Variants in LINC00237 observed in about 807,000 individuals in gnomAD.
The protein encoded by LINC00237 is long intergenic non-protein coding RNA 237.
At chr20:21,102,451 T>C (rs750674099) in intron 1 of LINC00237, among the ~76,000 whole-genome samples, 7 of 152,146 alleles carry the variant, frequency 4.6e-5, no homozygotes, top group Non-Finnish European at 8.8e-5. Context: ...AGTCTCAGAC[T>C]AACTCGCTCC....
At chr20:21,099,224 C>G (rs2030898009) in intron 1 of LINC00237, among the ~76,000 whole-genome samples, 1 of 152,188 alleles carries the variant, frequency 6.6e-6, no homozygotes. Context: ...GGACAGTGGT[C>G]AGGAGGAGGA....
intron 1 of LINC00237, among the ~76,000 whole-genome samples, chr20:21,099,922 C>T (rs6035782): frequency 6.6e-6 from 1 of 152,140 alleles, no homozygotes; most frequent in African/African-American, 2.4e-5. Context: ...GCAGCTGAAT[C>T]CCCTCTCTGG....
intron 1 of LINC00237, among the ~76,000 whole-genome samples, chr20:21,100,282 A>T (rs776837346): frequency 6.6e-6 from 1 of 152,200 alleles, no homozygotes; most frequent in Admixed American, 6.5e-5. Context: ...GTTTGACTGT[A>T]CACCTGCGGG....
At chr20:21,106,174 C>T (rs1229831159) in intron 1 of LINC00237, 1 of 152,398 alleles carries the variant, frequency 6.6e-6, no homozygotes, top group Non-Finnish European at 1.5e-5. Flanking sequence ...TCGGCTCAGA[C>T]CAGAGCTACC....
chr20:21,094,799 C>G (rs2030835540), intron 1 of LINC00237, among the ~76,000 whole-genome samples: 1 of 152,144 alleles, frequency 6.6e-6, no homozygotes, highest in African/African-American at 2.4e-5. Flanking sequence ...CCTGTATTCC[C>G]AGCACTTTGG....
intron 1 of LINC00237, among the ~76,000 whole-genome samples, chr20:21,103,404 C>G (rs556392283): frequency 6.6e-6 from 1 of 152,246 alleles, no homozygotes; most frequent in African/African-American, 2.4e-5. Context: ...CTGTCCCTAC[C>G]AATAGCCACG....
At position 21,093,978 on chromosome 20, in the gene LINC00237, C is replaced by G. The variant is rs552949762; in HGVS notation, n.89-126G>C. 2.6e-5 allele frequency: 4 copies of G among 152,294 alleles called. No homozygotes were observed. In the South Asian group the frequency reaches 8.3e-4, roughly 32 times the overall value. 9.4% of individuals were successfully genotyped at this position (152,294 alleles called of 1,614,324 possible). A position where few individuals can be genotyped will look rare whatever the true frequency, so the allele number is the denominator to read the frequency against. On this transcript the variant is annotated intron_variant and non_coding_transcript_variant, in intron 1 of 3. Coordinates refer to ENST00000691244, the Ensembl canonical transcript of LINC00237. ...GCAGTACTTGTATCATAAAAGAGGG[C>G]AATGCTTGACCCAAAGGAATGGTGT...
rs1222930710 is a variant in LINC00237, at chr20:21,095,746, T to A, written n.89-1894A>T. Reference sequence around the variant, plus strand: ...CTGTCAGTGTTGATAGCTCCTTACCTGTCTACATCAGCGTGTACCAGCTCA... The same window carrying A: ...CTGTCAGTGTTGATAGCTCCTTACCAGTCTACATCAGCGTGTACCAGCTCA... On this transcript the variant is annotated intron_variant and non_coding_transcript_variant, in intron 1 of 3. Coordinates refer to ENST00000691244, the Ensembl canonical transcript of LINC00237. Among the ~76,000 whole-genome samples the A allele has an allele frequency of 2.0e-5, 3 of 152,222 alleles. No homozygotes were observed. The East Asian group carries it at 5.8e-4, about 29-fold the overall frequency.
chr20:21,086,649 C>CTATATATGTATAGTATACTATACA (rs1373371880), intron 3 of LINC00237, among the ~76,000 whole-genome samples: 1 of 124,106 alleles, frequency 8.1e-6, no homozygotes, highest in African/African-American at 3.1e-5. Flanking sequence ...ATATAGTATA[C>CTATATATGTATAGTATACTATACA]TATATATGTA....
chr20:21,103,841 C>A (rs187965396), intron 1 of LINC00237, among the ~76,000 whole-genome samples: 3 of 152,184 alleles, frequency 2.0e-5, no homozygotes, highest in East Asian at 1.9e-4. Context: ...TGTCCGAAAT[C>A]ATTAGACTTG....
At chr20:21,099,178 G>C (rs958375463) in intron 1 of LINC00237, among the ~76,000 whole-genome samples, 1 of 152,196 alleles carries the variant, frequency 6.6e-6, no homozygotes, top group Non-Finnish European at 1.5e-5. Flanking sequence ...GTTGCTTTCA[G>C]GATGCGAGTG....
At chr20:21,087,479 G>C (rs1395864550) in intron 3 of LINC00237, 1 of 152,072 alleles carries the variant, frequency 6.6e-6, no homozygotes, top group Non-Finnish European at 1.5e-5. Context: ...CTTGAGGAAG[G>C]ACAAAGAAGA....
intron 3 of LINC00237, among the ~76,000 whole-genome samples, chr20:21,086,663 T>C (rs2030704891): frequency 7.6e-6 from 1 of 131,432 alleles, no homozygotes; most frequent in Non-Finnish European, 1.6e-5. Context: ...ATATGTATAG[T>C]ATACTATATA....
chr20:21,088,780 T>A (rs1416135592), intron 2 of LINC00237, among the ~76,000 whole-genome samples: 1 of 152,152 alleles, frequency 6.6e-6, no homozygotes, highest in East Asian at 1.9e-4. Context: ...TTTCTTACAA[T>A]GTTAATAAAA....
At chr20:21,095,582 T>C (rs2030847021) in intron 1 of LINC00237, among the ~76,000 whole-genome samples, 2 of 152,194 alleles carry the variant, frequency 1.3e-5, no homozygotes, top group South Asian at 2.1e-4. Flanking sequence ...GAGCCCTAAA[T>C]TGGATAAACC....
At chr20:21,090,636 G>A (rs572369771) in intron 2 of LINC00237, 1 of 152,332 alleles carries the variant, frequency 6.6e-6, no homozygotes, top group East Asian at 1.9e-4. Flanking sequence ...GCGGATGGAA[G>A]TTCTGACACT....
intron 3 of LINC00237, among the ~76,000 whole-genome samples, chr20:21,087,291 A>G (rs2030726046): frequency 6.6e-6 from 1 of 152,038 alleles, no homozygotes; most frequent in African/African-American, 2.4e-5. Flanking sequence ...ATATGCCAAC[A>G]GATCTCCCTT....
chr20:21,097,630 T>C (rs1038344704), intron 1 of LINC00237, among the ~76,000 whole-genome samples: 4 of 152,204 alleles, frequency 2.6e-5, no homozygotes, highest in African/African-American at 9.7e-5. Context: ...ACACAACTCA[T>C]TATTATATTT....
chr20:21,102,380 C>T (rs1212047627), intron 1 of LINC00237, among the ~76,000 whole-genome samples: 1 of 152,214 alleles, frequency 6.6e-6, no homozygotes, highest in Non-Finnish European at 1.5e-5. Context: ...TACCCACAAC[C>T]CCCTGCTCCC....
Sources: gnomAD v4.1 joint callset for allele counts (sites outside exome capture counted in the v4.1 genomes callset) on GRCh38, gnomAD v4.1.1 for gene constraint, MANE v1.5 for transcripts, NCBI Gene and HGNC (gene_info 2026-07-23, HGNC 2026-07-21) for gene names.